RBBP5: variants seen among roughly 807,000 people sequenced by gnomAD.
The protein encoded by RBBP5 is retinoblastoma-binding protein 5.
RBBP5 carries 5 observed loss-of-function variants against 72.2 expected under a neutral mutation model. The observed-to-expected ratio is 0.07, with a 90% CI of 0.04 to 0.15. The LOEUF (loss-of-function observed/expected upper bound fraction) is 0.15, where lower values mean the gene tolerates loss of function less well. Ranked by LOEUF, RBBP5 falls within the 10% of genes least tolerant of loss-of-function variation. The probability of loss-of-function intolerance (pLI) is 1.00; values close to 1 mark genes in which losing one functional copy is unlikely to be tolerated. For synonymous variants in RBBP5, 209 were observed against 237.2 expected (o/e 0.88, Z 1.09); for missense variants, 322 against 652.2 (o/e 0.49, Z 5.51).
chr1:205,105,224 C>A, intron 3 of RBBP5, 56 bp from the exon 4 acceptor site: 1 of 1,559,484 alleles, frequency 6.4e-7, no homozygotes, highest in South Asian at 1.1e-5. Flanking sequence ...ATACCACTCT[C>A]ATGAATAAAC....
chr1:205,103,083 G>A (rs774760176), intron 5 of RBBP5, among the ~76,000 whole-genome samples: 7 of 151,384 alleles, frequency 4.6e-5, no homozygotes, highest in Non-Finnish European at 1.0e-4. Flanking sequence ...TGAGGTGGGC[G>A]GATCACTTGA....
At chr1:205,115,236 T>A (rs1656474801) in intron 2 of RBBP5, among the ~76,000 whole-genome samples, 1 of 152,204 alleles carries the variant, frequency 6.6e-6, no homozygotes. Flanking sequence ...GGGCAAAATA[T>A]AACAGAAGTA....
intron 3 of RBBP5, among the ~76,000 whole-genome samples, chr1:205,113,491 C>T (rs1656399071): frequency 6.6e-6 from 1 of 151,966 alleles, no homozygotes. Context: ...TGTTGGTCTC[C>T]TGGGCTCAAG....
intron 1 of RBBP5, 145 bp from the exon 2 acceptor site, chr1:205,116,028 T>C (rs1216257158): frequency 6.5e-7 from 1 of 1,530,320 alleles, no homozygotes; most frequent in Admixed American, 1.8e-5. Flanking sequence ...CATACGGATT[T>C]TCAAGATCCT....
intron 5 of RBBP5, among the ~76,000 whole-genome samples, 155 bp downstream of exon 5, chr1:205,103,702 T>C (rs559225666): frequency 9.2e-5 from 14 of 152,216 alleles, no homozygotes; most frequent in African/African-American, 3.4e-4. Context: ...GAACAAAAAT[T>C]ATTATTAAGA....
At chr1:205,092,954 T>C (rs1198082630) in intron 13 of RBBP5, among the ~76,000 whole-genome samples, 2 of 152,232 alleles carry the variant, frequency 1.3e-5, no homozygotes, top group African/African-American at 4.8e-5. Context: ...CTAAAGTGTT[T>C]TAATTAATTA....
intron 3 of RBBP5, among the ~76,000 whole-genome samples, chr1:205,112,177 T>C (rs935257492): frequency 1.5e-4 from 23 of 152,036 alleles, no homozygotes; most frequent in African/African-American, 5.1e-4. Context: ...AATCAGCCGG[T>C]CATGGTGGTG....
At chr1:205,117,585 G>A (rs1383639764) in intron 1 of RBBP5, among the ~76,000 whole-genome samples, 3 of 151,714 alleles carry the variant, frequency 2.0e-5, no homozygotes, top group African/African-American at 4.8e-5. Context: ...TCTTGAACCT[G>A]GGAGGCAGAG....
At position 205,121,875 on chromosome 1, in the gene RBBP5, C is replaced by T. The variant is rs137894641; in HGVS notation, c.-2G>A. The T allele has an allele frequency of 2.5e-6, 4 of 1,611,494 alleles. No individual in the cohort carries two copies. The highest frequency in any genetic ancestry group is 1.6e-4 in the Middle Eastern group (1 of 6,062). On this transcript the variant is annotated 5_prime_UTR_variant, in exon 1 of 14. Transcript: ENST00000264515. ...CTCACCCAGCAACTCGAGGTTCATCCCTGCGGACTGTGGCCGCCCGGTCTC... is the reference window on the plus strand; with the variant it reads ...CTCACCCAGCAACTCGAGGTTCATCTCTGCGGACTGTGGCCGCCCGGTCTC...
At chr1:205,102,286 A>G (rs1655861948) in intron 5 of RBBP5, among the ~76,000 whole-genome samples, 1 of 152,358 alleles carries the variant, frequency 6.6e-6, no homozygotes, top group Admixed American at 6.5e-5. Context: ...CATATAAACA[A>G]AAGTGGTATA....
At position 205,100,856 on chromosome 1, in the gene RBBP5, G is replaced by A. The variant is rs148606108; in HGVS notation, c.633-585C>T. Among the ~76,000 whole-genome samples, 61 of 152,324 alleles carry A rather than the reference G, an allele frequency of 4.0e-4. 1 individual carries two copies. In the East Asian group the frequency reaches 8.7e-3, roughly 22 times the overall value. On this transcript the variant is annotated intron_variant, in intron 6 of 13. Transcript: ENST00000264515. ...GACAATTTTTCCACGGCCCAGGCTG[G>A]TGGGAGGATTATGGTTTCAGGATGA... is the stretch of plus-strand genomic sequence containing the variant.
intron 1 of RBBP5, among the ~76,000 whole-genome samples, chr1:205,120,660 T>C (rs990659004): frequency 2.6e-5 from 4 of 151,876 alleles, no homozygotes; most frequent in Non-Finnish European, 5.9e-5. Flanking sequence ...TGCGCACCTG[T>C]AGTACCAGCT....
In RBBP5 at chr1:205,087,576, G is replaced by C. The variant is rs748890988; in HGVS notation, c.*1211C>G. ...TTGAAAAAAAAAAAAAAAAAAAAAA[G>C]ACGATCCAGATTAAGCACTTCCAGT... On this transcript the variant is annotated 3_prime_UTR_variant, in exon 14 of 14. Transcript: ENST00000264515. The C allele has an allele frequency of 2.1e-3, 160 of 75,106 alleles. No homozygotes were observed. The highest frequency in any genetic ancestry group is 3.6e-3 in the Non-Finnish European group (131 of 36,834). The allele number at this position is 75,106 out of a possible 1,614,324, so 4.7% of individuals were successfully genotyped here.
At chr1:205,097,044 G>A (rs754186138) in intron 11 of RBBP5, 133 bp from the exon 12 acceptor site, 5 of 768,714 alleles carry the variant, frequency 6.5e-6, no homozygotes, top group Non-Finnish European at 1.0e-5. Flanking sequence ...AAGCCAAGAA[G>A]AATAAAAGGG....
rs892057695 is a variant in RBBP5 at position 205,099,234 on chromosome 1, G to GA, written c.979-129dup. 3.7e-6 allele frequency: 2 copies of GA among 542,698 alleles called. No individual in the cohort carries two copies. Among genetic ancestry groups the GA allele is most frequent in the African/African-American group, 2.0e-5 (1 of 50,976 alleles). 33.6% of individuals were successfully genotyped at this position (542,698 alleles called of 1,614,324 possible). A position where few individuals can be genotyped will look rare whatever the true frequency, so the allele number is the denominator to read the frequency against. On this transcript the variant is annotated intron_variant, in intron 9 of 13. Coordinates refer to ENST00000264515, the MANE Select transcript of RBBP5 (RefSeq NM_005057.4). The surrounding 1 kb of genome is among the most constrained non-coding windows in gnomAD (Gnocchi z 4.7). Reference sequence around the variant, plus strand: ...TTCTTAGATTAAATTTGGCAGACAAGAAAAAAATGGGTATCTGTAAGTTTT... The same window carrying GA: ...TTCTTAGATTAAATTTGGCAGACAAGAAAAAAAATGGGTATCTGTAAGTTTT...
At chr1:205,120,417 C>T (rs1239721091) in intron 1 of RBBP5, among the ~76,000 whole-genome samples, 1 of 152,166 alleles carries the variant, frequency 6.6e-6, no homozygotes, top group East Asian at 1.9e-4. Flanking sequence ...ACAACCTGGC[C>T]AAGCAGGAAA....
rs61068820 is a variant in RBBP5, at chr1:205,087,553, GAAAAAAAAA to G, written c.*1225_*1233del. 6.5e-5 allele frequency: 5 copies of G among 77,112 alleles called. No individual in the cohort carries two copies. The highest frequency in any genetic ancestry group is 1.1e-4 in the Non-Finnish European group (4 of 36,884). The allele number at this position is 77,112 out of a possible 1,614,324, so 4.8% of individuals were successfully genotyped here. On this transcript the variant is annotated 3_prime_UTR_variant, in exon 14 of 14. Coordinates refer to ENST00000264515, the MANE Select transcript of RBBP5 (RefSeq NM_005057.4). ...ATTTAAATTCTCCTTTTAAAATATTGAAAAAAAAAAAAAAAAAAAAAAGACGATCCAGAT... is the reference window on the plus strand; with the variant it reads ...ATTTAAATTCTCCTTTTAAAATATTGAAAAAAAAAAAAAGACGATCCAGAT...
Position 205,094,958 on chromosome 1 carries a change from C to T in RBBP5, c.1503G>A (p.Pro501=), listed in dbSNP as rs201696530. The T allele has an allele frequency of 4.3e-6, 7 of 1,614,138 alleles. No homozygotes were observed. The highest frequency in any genetic ancestry group is 3.3e-5 in the Admixed American group (2 of 60,016). ...KGKEKDSPFK[P]KLYKGDRGLP... ...AACCTCTGTCCCCTTTGTAGAGTTT[C>T]GGTTTAAATGGAGAATCTTTCTCTT... Residue 501 remains proline, a synonymous_variant, in exon 13 of 14, where the codon CCG becomes CCA. Coordinates refer to ENST00000264515, the MANE Select transcript of RBBP5 (RefSeq NM_005057.4).
intron 3 of RBBP5, among the ~76,000 whole-genome samples, chr1:205,112,265 C>A (rs925078239): frequency 3.3e-5 from 5 of 152,046 alleles, no homozygotes; most frequent in African/African-American, 1.2e-4. Flanking sequence ...TTGCAGTGAG[C>A]CGAGATCGCA....
Sources: gnomAD v4.1 joint callset for allele counts (sites outside exome capture counted in the v4.1 genomes callset) on GRCh38, gnomAD v4.1.1 for gene constraint, Gnocchi (gnomAD v3.1) non-coding constraint, MANE v1.5 for transcripts, NCBI Gene and HGNC (gene_info 2026-07-23, HGNC 2026-07-21) for gene names.